Variants in DMD observed in about 807,000 individuals in gnomAD.
DMD encodes the protein dystrophin.
Under a neutral mutation model 330.1 loss-of-function variants are expected in DMD, and 63 were observed. The ratio of observed to expected loss-of-function variants is 0.19; its 90% confidence interval spans 0.16 to 0.24. DMD has a LOEUF of 0.24. Ranked by LOEUF, DMD falls within the 10% of genes least tolerant of loss-of-function variation. The probability of loss-of-function intolerance (pLI) is 1.00; values close to 1 mark genes in which losing one functional copy is unlikely to be tolerated. For missense variants in DMD, 3,344 were observed against 2,684.1 expected, an observed-to-expected ratio of 1.25 and a Z score of -5.43; for synonymous variants, 1,223 against 959.8, an observed-to-expected ratio of 1.27 and a Z score of -5.07.
At chrX:31,394,301 T>C (rs2060814069) in intron 60 of DMD, among the ~76,000 whole-genome samples, 1 of 112,542 alleles carries the variant, frequency 8.9e-6, no homozygotes, top group Non-Finnish European at 1.9e-5. Context: ...GTAGCTCTGT[T>C]CTCTTTGGAG....
chrX:32,761,508 C>A, intron 7 of DMD, among the ~76,000 whole-genome samples: 1 of 112,287 alleles, frequency 8.9e-6, no homozygotes, highest in South Asian at 3.7e-4. Flanking sequence ...TGATGATTAT[C>A]TTTAAATGTG....
chrX:31,204,210 C>A, intron 66 of DMD, 92 bp from the exon 67 acceptor site: 1 of 798,523 alleles, frequency 1.3e-6, no homozygotes, highest in Admixed American at 2.5e-5. Flanking sequence ...AGTAGCAATT[C>A]TCAAGAGTAG....
chrX:31,423,361 C>T (rs2063540474), intron 60 of DMD, among the ~76,000 whole-genome samples: 1 of 111,241 alleles, frequency 9.0e-6, no homozygotes, highest in Non-Finnish European at 1.9e-5. Flanking sequence ...CACACTGCAG[C>T]TTCCCAAAGC....
At chrX:32,937,872 G>A (rs990638445) in intron 2 of DMD, among the ~76,000 whole-genome samples, 1 of 110,864 alleles carries the variant, frequency 9.0e-6, no homozygotes. Flanking sequence ...GACTATCAAC[G>A]ATTTGAATTT....
At chrX:32,233,595 TTTCTTTTATTTA>T (rs2097176261) in intron 43 of DMD, among the ~76,000 whole-genome samples, 1 of 96,236 alleles carries the variant, frequency 1.0e-5, no homozygotes, top group East Asian at 4.0e-4. Context: ...ACAATTTCTT[TTTCTTTTATTTA>T]TTTATTTATT....
chrX:32,886,286 G>C (rs2084555885), intron 2 of DMD, among the ~76,000 whole-genome samples: 2 of 109,030 alleles, frequency 1.8e-5, no homozygotes, highest in Admixed American at 2.0e-4. Flanking sequence ...GACAATTTAG[G>C]TGTCCTTATA....
chrX:33,134,365 C>T (rs1569556085), intron 1 of DMD, among the ~76,000 whole-genome samples: 1 of 111,571 alleles, frequency 9.0e-6, no homozygotes, highest in Non-Finnish European at 1.9e-5. Flanking sequence ...ACTCAGTCAG[C>T]CTTGAGTTAA....
chrX:31,885,036 A>G (rs2094130316), intron 47 of DMD, among the ~76,000 whole-genome samples: 1 of 111,653 alleles, frequency 9.0e-6, no homozygotes, highest in Admixed American at 9.5e-5. Flanking sequence ...TAGCAACAAT[A>G]AAATTACTAT....
intron 7 of DMD, among the ~76,000 whole-genome samples, chrX:32,802,306 T>C (rs6653590): frequency 0.081 from 9,084 of 111,625 alleles, 843 homozygotes; most frequent in African/African-American, 0.27. Flanking sequence ...TTTGGCTGTT[T>C]ATTATCGGTG....
At chrX:32,662,638 T>A (rs1041924070) in intron 9 of DMD, among the ~76,000 whole-genome samples, 1 of 111,510 alleles carries the variant, frequency 9.0e-6, no homozygotes, top group Non-Finnish European at 1.9e-5. Flanking sequence ...AACCATAAAC[T>A]CCCAATTATT....
intron 62 of DMD, among the ~76,000 whole-genome samples, chrX:31,321,476 T>C (rs941018906): frequency 1.9e-5 from 2 of 104,259 alleles, no homozygotes; most frequent in Non-Finnish European, 3.9e-5. Flanking sequence ...TCTCAGCTAC[T>C]CGGGAGCTAA....
chrX:32,870,481 C>G (rs191423657), intron 2 of DMD, among the ~76,000 whole-genome samples: 1 of 111,787 alleles, frequency 8.9e-6, no homozygotes, highest in Non-Finnish European at 1.9e-5. Context: ...CCAAGACAAT[C>G]CTAAGCAAAA....
chrX:32,779,088 G>A (rs1283250398), intron 7 of DMD, among the ~76,000 whole-genome samples: 3 of 111,464 alleles, frequency 2.7e-5, no homozygotes, highest in Non-Finnish European at 5.6e-5. Context: ...GTAAACTGGT[G>A]CCTGTAATAA....
At position 33,007,940 on chromosome X, in the gene DMD, G is replaced by A. The variant is rs754224642; in HGVS notation, c.93+12199C>T. Among the ~76,000 whole-genome samples the A allele has an allele frequency of 4.5e-5, 5 of 110,311 alleles. No individual in the cohort carries two copies. In the South Asian group the frequency reaches 1.9e-3, roughly 42 times the overall value. On this transcript the variant is annotated intron_variant, in intron 2 of 78. Transcript: ENST00000357033. ...ATCGAAGACATTTTTTTTTCTTCAGGCCAGGTAAACTAAATCAAAGAAAGA... is the reference window on the plus strand; with the variant it reads ...ATCGAAGACATTTTTTTTTCTTCAGACCAGGTAAACTAAATCAAAGAAAGA...
At chrX:32,403,178 T>G (rs1169293893) in intron 30 of DMD, among the ~76,000 whole-genome samples, 8 of 111,957 alleles carry the variant, frequency 7.1e-5, no homozygotes, top group Non-Finnish European at 1.5e-4. Flanking sequence ...TTATGCTAAG[T>G]GTTATCTGGC....
chrX:32,661,507 G>A (rs371413737), intron 9 of DMD, among the ~76,000 whole-genome samples: 1 of 111,432 alleles, frequency 9.0e-6, no homozygotes. Context: ...TTAACTTGTT[G>A]CCAGACTTTT....
chrX:32,216,441 G>A (rs1225398587), intron 44 of DMD, among the ~76,000 whole-genome samples: 3 of 111,775 alleles, frequency 2.7e-5, no homozygotes, highest in Non-Finnish European at 3.8e-5. Context: ...ATTTCAGAAG[G>A]CATTTTGTCA....
At chrX:31,166,290 G>C (rs2039411395) in intron 74 of DMD, among the ~76,000 whole-genome samples, 1 of 111,197 alleles carries the variant, frequency 9.0e-6, no homozygotes, top group Non-Finnish European at 1.9e-5. Flanking sequence ...TGTTTTTCTA[G>C]GGGGTTGTAG....
chrX:32,782,973 T>C (rs765660058), intron 7 of DMD, among the ~76,000 whole-genome samples: 2 of 103,969 alleles, frequency 1.9e-5, no homozygotes, highest in African/African-American at 6.9e-5. Context: ...CACACACATA[T>C]ATATACCTAT....
Sources: allele counts gnomAD v4.1 joint callset (sites outside exome capture counted in the v4.1 genomes callset), GRCh38; gene constraint gnomAD v4.1.1; transcripts MANE v1.5; gene names NCBI Gene and HGNC (gene_info 2026-07-23, HGNC 2026-07-21).